The following RNF41 variants were observed in gnomAD, a reference collection of about 807,000 sequenced individuals.
RNF41 encodes the protein E3 ubiquitin-protein ligase NRDP1.
Under a neutral mutation model 33.0 loss-of-function variants are expected in RNF41, and 4 were observed. That is an observed-to-expected ratio of 0.12 (90% CI 0.06 to 0.28). The LOEUF (loss-of-function observed/expected upper bound fraction) is 0.28. RNF41 is among the 10% of genes least tolerant of loss of function. The pLI is 1.00. For synonymous variants in RNF41, 164 were observed against 153.2 expected (o/e 1.07, Z -0.52); for missense variants, 228 against 432.6 (o/e 0.53, Z 4.19).
At chr12:56,220,018 A>AAAATAAAT (rs60851148) in intron 1 of RNF41, among the ~76,000 whole-genome samples, 6,254 of 139,278 alleles carry the variant, frequency 0.045, 190 homozygotes, top group South Asian at 0.065. Flanking sequence ...CCCTGTCTCA[A>AAAATAAAT]AAATAAATAA....
chr12:56,213,041 A>G, intron 3 of RNF41: 7 of 1,289,742 alleles, frequency 5.4e-6, no homozygotes, highest in South Asian at 1.2e-5. Flanking sequence ...GGATGATACA[A>G]CTGACTCTGG....
chr12:56,208,911 C>CT (rs1303335923), intron 4 of RNF41, among the ~76,000 whole-genome samples: 1 of 145,566 alleles, frequency 6.9e-6, no homozygotes, highest in Non-Finnish European at 1.5e-5. Flanking sequence ...GTCACCCAGG[C>CT]TGGAGTGCAA....
intron 3 of RNF41, chr12:56,213,081 T>G: frequency 7.8e-7 from 1 of 1,289,746 alleles, no homozygotes; most frequent in Middle Eastern, 2.1e-4. Context: ...AAATGACCTA[T>G]TGAAGGTGGC....
rs1878625826 is a variant in RNF41, at chr12:56,202,217, A to C, written c.*4230T>G. ...ACAAAAAAAATTTTACTAGTATTAA[A>C]ACAGATTAAGACAATTCCAGGTGCA... On this transcript the variant is annotated 3_prime_UTR_variant, in exon 7 of 7. Coordinates refer to ENST00000345093, the MANE Select transcript of RNF41 (RefSeq NM_005785.4). 1 of 151,136 alleles carries C rather than the reference A, an allele frequency of 6.6e-6. No homozygotes were observed. Among genetic ancestry groups the C allele is most frequent in the South Asian group, 2.1e-4 (1 of 4,772 alleles). The allele number at this position is 151,136 out of a possible 1,614,324, so 9.4% of individuals were successfully genotyped here.
intron 2 of RNF41, among the ~76,000 whole-genome samples, chr12:56,215,370 G>A (rs1360461894): frequency 6.6e-6 from 1 of 152,160 alleles, no homozygotes; most frequent in African/African-American, 2.4e-5. Flanking sequence ...GAACATCTAA[G>A]TCAGGAGAGT....
chr12:56,217,558 CA>C (rs1869000282), intron 1 of RNF41, among the ~76,000 whole-genome samples: 1 of 151,934 alleles, frequency 6.6e-6, no homozygotes, highest in Admixed American at 6.6e-5. Context: ...AAAAAAAAAG[CA>C]AAATGCATAG....
chr12:56,212,816 G>A (rs1040405008), intron 3 of RNF41, among the ~76,000 whole-genome samples: 15 of 152,144 alleles, frequency 9.9e-5, no homozygotes, highest in Admixed American at 7.9e-4. Flanking sequence ...AGCAGTGAAT[G>A]GGGGAAGGGC....
At position 56,208,229 on chromosome 12, in the gene RNF41, C is replaced by T; in HGVS notation, c.432G>A (p.Gln144=). 1 of 1,614,202 alleles carries T rather than the reference C, an allele frequency of 6.2e-7. No individual in the cohort carries two copies. The highest frequency in any genetic ancestry group is 8.5e-7 in the Non-Finnish European group (1 of 1,180,026). Residue 144 remains glutamine, a synonymous_variant, in exon 5 of 7, where the codon CAG becomes CAA. Transcript: ENST00000345093. The part of the protein sequence containing the change: ...CIKHLRSVVQ[Q]QQTRIAELEK... Reference sequence around the variant, plus strand: ...CCAGCTCTGCGATGCGTGTCTGCTGCTGCTGTACCACTGAGCGCAGGTGCT... The same window carrying T: ...CCAGCTCTGCGATGCGTGTCTGCTGTTGCTGTACCACTGAGCGCAGGTGCT...
chr12:56,210,174 G>A, intron 4 of RNF41, 123 bp downstream of exon 4: 1 of 990,774 alleles, frequency 1.0e-6, no homozygotes, highest in Non-Finnish European at 1.5e-6. Context: ...AGCCAAGGAG[G>A]CTAAGAATAC....
rs952794028 is a variant in RNF41 at position 56,206,552 on chromosome 12, C to T, written c.849G>A (p.Lys283=). The change falls in exon 7 of 7, where the codon AAG becomes AAA. Residue 283 remains lysine, a synonymous_variant. Coordinates refer to ENST00000345093, the MANE Select transcript of RNF41 (RefSeq NM_005785.4). The surrounding 1 kb of genome is among the most constrained non-coding windows in gnomAD (Gnocchi z 5.7). Reference sequence around the variant, plus strand: ...CACAGGCCATCACGACAACAGCCTGCTTGCCAGGGATGCGCTTGGCCACGT... The same window carrying T: ...CACAGGCCATCACGACAACAGCCTGTTTGCCAGGGATGCGCTTGGCCACGT... ...ENYVAKRIPG[K]QAVVVMACEN... 1.9e-6 allele frequency: 3 copies of T among 1,614,090 alleles called. No individual in the cohort carries two copies. The highest frequency in any genetic ancestry group is 2.7e-5 in the African/African-American group (2 of 74,926).
chr12:56,213,538 C>T (rs189840995), intron 3 of RNF41, among the ~76,000 whole-genome samples: 2 of 152,238 alleles, frequency 1.3e-5, no homozygotes, highest in East Asian at 3.9e-4. Flanking sequence ...TGCAGGGAGC[C>T]TGGCTGATTA....
At chr12:56,215,557 A>G (rs1004600229) in intron 2 of RNF41, among the ~76,000 whole-genome samples, 13 of 151,920 alleles carry the variant, frequency 8.6e-5, no homozygotes, top group Admixed American at 6.6e-5. Context: ...CGTCTCTACT[A>G]AAAATACAAA....
At chr12:56,220,310 G>A (rs1869274638) in intron 1 of RNF41, among the ~76,000 whole-genome samples, 1 of 151,892 alleles carries the variant, frequency 6.6e-6, no homozygotes, top group Non-Finnish European at 1.5e-5. Flanking sequence ...TGCCTCCTGG[G>A]TTCAAGCAAT....
At chr12:56,212,221 A>T (rs1239812797) in intron 3 of RNF41, among the ~76,000 whole-genome samples, 4 of 152,354 alleles carry the variant, frequency 2.6e-5, no homozygotes, top group East Asian at 3.9e-4. Flanking sequence ...ATAAACTAAT[A>T]AAAATAGTTA....
At chr12:56,207,452 C>G in intron 6 of RNF41, 194 bp downstream of exon 6, 1 of 751,668 alleles carries the variant, frequency 1.3e-6, no homozygotes, top group Non-Finnish European at 2.3e-6. Context: ...TCCACCCAAA[C>G]ACATAAGACA....
chr12:56,205,743 T>C lies in RNF41; in HGVS notation c.*704A>G, dbSNP rs940562891. 6.6e-6 allele frequency: 1 copy of C among 152,622 alleles called. No homozygotes were observed. Among genetic ancestry groups the C allele is most frequent in the African/African-American group, 2.4e-5 (1 of 41,456 alleles). 9.5% of individuals were successfully genotyped at this position (152,622 alleles called of 1,614,324 possible). A position where few individuals can be genotyped will look rare whatever the true frequency, so the allele number is the denominator to read the frequency against. On this transcript the variant is annotated 3_prime_UTR_variant, in exon 7 of 7. Transcript: ENST00000345093. ...TTAGCAAAAGCTAGGAGTAGCTTCTTGCTAAACACATCAACCCCCAACAGA... is the reference window on the plus strand; with the variant it reads ...TTAGCAAAAGCTAGGAGTAGCTTCTCGCTAAACACATCAACCCCCAACAGA...
Position 56,203,403 on chromosome 12 carries a change from T to TTG in RNF41, c.*3043_*3044insCA. ...CAGCAAATACTTATGAAGACTGGTT[T>TTG]TTTTTTTTTTTTTTTTGAGACGGAG... On this transcript the variant is annotated 3_prime_UTR_variant, in exon 7 of 7. Transcript: ENST00000345093. 1 of 30,062 alleles carries TTG rather than the reference T, an allele frequency of 3.3e-5. No homozygotes were observed. 1.9% of individuals were successfully genotyped at this position (30,062 alleles called of 1,614,324 possible).
intron 2 of RNF41, among the ~76,000 whole-genome samples, chr12:56,214,535 AAT>A (rs1868719859): frequency 1.4e-5 from 2 of 144,766 alleles, no homozygotes. Context: ...AAAAAAAAAA[AAT>A]TAATTCTAAG....
At chr12:56,215,875 A>G (rs1868851431) in intron 2 of RNF41, among the ~76,000 whole-genome samples, 2 of 152,012 alleles carry the variant, frequency 1.3e-5, no homozygotes, top group Admixed American at 1.3e-4. Flanking sequence ...TAATCCTAGC[A>G]CTTTGGGAGG....
Sources: allele counts gnomAD v4.1 joint callset (sites outside exome capture counted in the v4.1 genomes callset), GRCh38; gene constraint gnomAD v4.1.1; non-coding constraint Gnocchi (gnomAD v3.1); transcripts MANE v1.5; gene names NCBI Gene and HGNC (gene_info 2026-07-23, HGNC 2026-07-21).